Variants in DTL observed in about 807,000 individuals in gnomAD.
DTL encodes denticleless E3 ubiquitin protein ligase adapter, also known as denticleless protein homolog.
Under a neutral mutation model 87.0 loss-of-function variants are expected in DTL, and 46 were observed. The observed-to-expected ratio is 0.53, with a 90% confidence interval of 0.42 to 0.68. The LOEUF is 0.68. DTL is among the 30% of genes least tolerant of loss of function. The probability of loss-of-function intolerance (pLI) is 0.00; values close to 1 mark genes in which losing one functional copy is unlikely to be tolerated. For missense variants in DTL, 737 were observed against 869.4 expected (o/e 0.85, Z 1.91); for synonymous variants, 308 against 311.2 (o/e 0.99, Z 0.11).
At chr1:212,066,487 A>G (rs1654503917) in intron 7 of DTL, among the ~76,000 whole-genome samples, 1 of 152,230 alleles carries the variant, frequency 6.6e-6, no homozygotes, top group African/African-American at 2.4e-5. Context: ...AACTGGCACA[A>G]GAAAGTTAAA....
At chr1:212,069,845 A>G (rs1257599604) in intron 10 of DTL, among the ~76,000 whole-genome samples, 1 of 152,140 alleles carries the variant, frequency 6.6e-6, no homozygotes, top group African/African-American at 2.4e-5. Context: ...TGCCCGGCCC[A>G]GAACTTGTCA....
intron 13 of DTL, among the ~76,000 whole-genome samples, chr1:212,094,559 G>A (rs1456458386): frequency 1.3e-5 from 2 of 152,106 alleles, no homozygotes; most frequent in Non-Finnish European, 2.9e-5. Context: ...TGTTCTTTTT[G>A]CTTAGTCTTG....
In DTL at chr1:212,102,827, ACTTT is replaced by A; in HGVS notation, c.2095-11_2095-8del. On this transcript the variant is annotated splice_polypyrimidine_tract_variant and intron_variant, in intron 14 of 14. Coordinates refer to ENST00000366991, the MANE Select transcript of DTL (RefSeq NM_016448.4). ...CTTCAAGGAAATCTCTGAAATCTAA[ACTTT>A]CTTCTTCTAGGTCACCATCACGCCC... is the stretch of plus-strand genomic sequence containing the variant. The A allele has an allele frequency of 6.4e-7, 1 of 1,568,692 alleles. No homozygotes were observed. The highest frequency in any genetic ancestry group is 1.1e-5 in the South Asian group (1 of 89,244).
intron 1 of DTL, among the ~76,000 whole-genome samples, chr1:212,040,900 A>C (rs1208278707): frequency 6.6e-6 from 1 of 152,172 alleles, no homozygotes; most frequent in Non-Finnish European, 1.5e-5. Flanking sequence ...TGGAATTTTC[A>C]GTTTAATAGT....
Position 212,068,711 on chromosome 1 carries a change from A to G in DTL, c.922+8A>G. 4.5e-6 allele frequency: 7 copies of G among 1,545,834 alleles called. No individual in the cohort carries two copies. Among genetic ancestry groups the G allele is most frequent in the South Asian group, 1.1e-5 (1 of 87,144 alleles). On this transcript the variant is annotated splice_region_variant and intron_variant, in intron 10 of 14. Transcript: ENST00000366991. ...GGTTGAAGACTTCTCCAGGTAAGAT[A>G]TTAGTCATTCAAATTCTCTTACCAG...
At chr1:212,099,610 C>T (rs1655553380) in intron 13 of DTL, 1 of 152,400 alleles carries the variant, frequency 6.6e-6, no homozygotes, top group Non-Finnish European at 1.5e-5. Flanking sequence ...ATACCCTTGA[C>T]TGAAGACCGA....
chr1:212,050,515 C>T (rs1320901123), intron 5 of DTL, among the ~76,000 whole-genome samples: 2 of 152,190 alleles, frequency 1.3e-5, no homozygotes, highest in African/African-American at 4.8e-5. Flanking sequence ...CCTTCTTTCT[C>T]ATTCTTCATT....
chr1:212,038,478 G>A (rs1191135881), intron 1 of DTL, among the ~76,000 whole-genome samples: 1 of 152,172 alleles, frequency 6.6e-6, no homozygotes, highest in Non-Finnish European at 1.5e-5. Context: ...AGAAACCTGA[G>A]TAAATTAAAG....
In DTL at chr1:212,100,638, A is replaced by G; in HGVS notation, c.1648A>G (p.Arg550Gly). 1 of 1,614,032 alleles carries G rather than the reference A, an allele frequency of 6.2e-7. No homozygotes were observed. The highest frequency in any genetic ancestry group is 8.5e-7 in the Non-Finnish European group (1 of 1,180,004). ...AGAGGCTTGCTCTGAGTCTAGAAATAGAGTAAAGAGGAGGCTAGACTCAAG... is the reference window on the plus strand; with the variant it reads ...AGAGGCTTGCTCTGAGTCTAGAAATGGAGTAAAGAGGAGGCTAGACTCAAG... Reference protein sequence around the residue: ...QAEACSESRNRVKRRLDSSCL... With the variant: ...QAEACSESRNGVKRRLDSSCL... Residue 550 changes from arginine to glycine, a missense_variant, in exon 14 of 15, where the codon AGA becomes GGA. By Grantham distance (125) the Arg-to-Gly change is moderately radical. Coordinates refer to ENST00000366991, the MANE Select transcript of DTL (RefSeq NM_016448.4).
chr1:212,061,033 G>C (rs1002497468), intron 5 of DTL, among the ~76,000 whole-genome samples: 1 of 152,156 alleles, frequency 6.6e-6, no homozygotes, highest in Non-Finnish European at 1.5e-5. Context: ...CAACTCAACA[G>C]TAGAAAAGAC....
chr1:212,053,276 TG>T (rs1403416199), intron 5 of DTL, among the ~76,000 whole-genome samples: 11 of 152,172 alleles, frequency 7.2e-5, no homozygotes, highest in Admixed American at 1.3e-4. Flanking sequence ...AATTTTCTTA[TG>T]TTTTTTTTAA....
chr1:212,058,297 T>C (rs558701741), intron 5 of DTL, among the ~76,000 whole-genome samples: 2 of 152,292 alleles, frequency 1.3e-5, no homozygotes, highest in African/African-American at 4.8e-5. Context: ...CTAGACCACA[T>C]GTTAAGACAC....
At chr1:212,056,819 G>A (rs1668191892) in intron 5 of DTL, among the ~76,000 whole-genome samples, 1 of 151,942 alleles carries the variant, frequency 6.6e-6, no homozygotes, top group Admixed American at 6.6e-5. Flanking sequence ...CTAAATTCTG[G>A]AACTACAGAA....
chr1:212,067,005 C>A (rs1654526352), intron 8 of DTL, 120 bp downstream of exon 8: 1 of 784,658 alleles, frequency 1.3e-6, no homozygotes, highest in Non-Finnish European at 2.1e-6. Context: ...TAGCAAGTAC[C>A]CCAACTGAGG....
At chr1:212,051,322 G>A (rs542948255) in intron 5 of DTL, among the ~76,000 whole-genome samples, 3 of 151,386 alleles carry the variant, frequency 2.0e-5, no homozygotes, top group South Asian at 2.1e-4. Context: ...CTTGAACAAC[G>A]TATTTAACTT....
intron 13 of DTL, among the ~76,000 whole-genome samples, chr1:212,084,606 G>A (rs1487148661): frequency 2.0e-5 from 3 of 152,164 alleles, no homozygotes; most frequent in Non-Finnish European, 4.4e-5. Context: ...TTTCCCAGAG[G>A]CAACCTCTTT....
intron 5 of DTL, among the ~76,000 whole-genome samples, chr1:212,052,380 T>TA (rs1668010083): frequency 6.6e-6 from 1 of 152,158 alleles, no homozygotes; most frequent in Non-Finnish European, 1.5e-5. Context: ...CTCAGGCCTG[T>TA]AATCCAAGCA....
rs145906977 is a variant in DTL, at chr1:212,093,448, C to T, written c.1262-6804C>T. Among the ~76,000 whole-genome samples, 317 of 152,322 alleles carry T rather than the reference C, an allele frequency of 2.1e-3. 3 individuals are homozygous for T. Among genetic ancestry groups the T allele is most frequent in the African/African-American group, 7.5e-3 (310 of 41,572 alleles). On this transcript the variant is annotated intron_variant, in intron 13 of 14. Coordinates refer to ENST00000366991, the MANE Select transcript of DTL (RefSeq NM_016448.4). ...CCAGAAGACTCGGATCACATGTGGG[C>T]TTGGAGAATTTGAGTGCAAGGTTCC... is the stretch of plus-strand genomic sequence containing the variant.
intron 13 of DTL, among the ~76,000 whole-genome samples, chr1:212,097,717 T>C (rs1314046324): frequency 1.3e-5 from 2 of 152,236 alleles, no homozygotes; most frequent in Non-Finnish European, 2.9e-5. Context: ...AATTCTTTTC[T>C]GGCAATTCAA....
Sources: gnomAD v4.1 joint callset for allele counts (sites outside exome capture counted in the v4.1 genomes callset) on GRCh38, gnomAD v4.1.1 for gene constraint, MANE v1.5 for transcripts, NCBI Gene and HGNC (gene_info 2026-07-23, HGNC 2026-07-21) for gene names.